The following SMOC2 variants were observed in gnomAD, a reference collection of about 807,000 sequenced individuals.
The protein encoded by SMOC2 is SPARC related modular calcium binding 2.
A neutral mutation model predicts 61.4 loss-of-function variants in SMOC2; 39 were observed. That is an observed-to-expected ratio of 0.64 (90% CI 0.49 to 0.83). The LOEUF (loss-of-function observed/expected upper bound fraction) is 0.83, where lower values mean the gene tolerates loss of function less well. Among genes scored for constraint, SMOC2 ranks in the 40% least tolerant of loss-of-function variants. The pLI is 0.00. For synonymous variants in SMOC2, 247 were observed against 239.9 expected, an observed-to-expected ratio of 1.03 and a Z score of -0.27; for missense variants, 556 against 592.9, an observed-to-expected ratio of 0.94 and a Z score of 0.65.
chr6:168,652,284 C>T lies in SMOC2; in HGVS notation c.1011-670C>T, dbSNP rs775271473. ...AAGGTTGAGAAATTGGCAATGGTGT[C>T]GGAGTTCACGGTGTTCTCATACCTG... On this transcript the variant is annotated intron_variant, in intron 10 of 12. Coordinates refer to ENST00000356284, the MANE Select transcript of SMOC2 (RefSeq NM_001166412.2). 3.3e-4 allele frequency among the ~76,000 whole-genome samples: 50 copies of T among 152,194 alleles called. No individual in the cohort carries two copies. In the Middle Eastern group the frequency reaches 0.01, roughly 31 times the overall value.
At chr6:168,517,478 G>A (rs1043567240) in intron 2 of SMOC2, among the ~76,000 whole-genome samples, 6 of 152,222 alleles carry the variant, frequency 3.9e-5, no homozygotes, top group Non-Finnish European at 8.8e-5. Context: ...ACTTCCCAGC[G>A]TGGACCTGAG....
chr6:168,598,273 A>G (rs1034193922), intron 7 of SMOC2, among the ~76,000 whole-genome samples: 3 of 152,244 alleles, frequency 2.0e-5, no homozygotes, highest in Admixed American at 6.5e-5. Flanking sequence ...TTTTCTTACA[A>G]GTCTCCCCCT....
intron 9 of SMOC2, among the ~76,000 whole-genome samples, chr6:168,631,716 G>T (rs535286950): frequency 1.4e-5 from 2 of 146,500 alleles, no homozygotes; most frequent in Non-Finnish European, 2.9e-5. Flanking sequence ...TTTGGTGCAC[G>T]TGTTTCTGGT....
At chr6:168,536,625 T>C (rs2115089269) in intron 4 of SMOC2, among the ~76,000 whole-genome samples, 1 of 152,098 alleles carries the variant, frequency 6.6e-6, no homozygotes, top group Non-Finnish European at 1.5e-5. Flanking sequence ...ATTCCTCCTG[T>C]GCAAATTGCT....
intron 1 of SMOC2, among the ~76,000 whole-genome samples, chr6:168,445,103 G>A (rs1445279675): frequency 6.6e-6 from 1 of 152,226 alleles, no homozygotes; most frequent in Non-Finnish European, 1.5e-5. Flanking sequence ...GGAAACTGAA[G>A]TTTTGAGAGA....
rs62423445 is a variant in SMOC2, at chr6:168,667,230, G to T, written c.*792G>T. 0.15 allele frequency: 22,065 copies of T among 152,090 alleles called. 1,682 individuals carry two copies. The highest frequency in any genetic ancestry group is 0.17 in the Non-Finnish European group (11,856 of 68,000). The allele number at this position is 152,090 out of a possible 1,614,324, so 9.4% of individuals were successfully genotyped here. A position where few individuals can be genotyped will look rare whatever the true frequency, so the allele number is the denominator to read the frequency against. The stretch of plus-strand genomic sequence containing the variant: ...ATCCTTCCAAAATGTAAATCCAGTC[G>T]CGGTGTGACCGAGCTGGCTAACAGG... On this transcript the variant is annotated 3_prime_UTR_variant, in exon 13 of 13. Coordinates refer to ENST00000356284, the MANE Select transcript of SMOC2 (RefSeq NM_001166412.2).
At chr6:168,554,969 C>T (rs1784213547) in intron 7 of SMOC2, among the ~76,000 whole-genome samples, 2 of 152,234 alleles carry the variant, frequency 1.3e-5, no homozygotes, top group Admixed American at 1.3e-4. Context: ...TTTTGAAAGG[C>T]CTTTTACTGT....
At chr6:168,540,895 C>A (rs1038550163) in intron 4 of SMOC2, among the ~76,000 whole-genome samples, 3 of 152,190 alleles carry the variant, frequency 2.0e-5, no homozygotes, top group Admixed American at 2.0e-4. Flanking sequence ...CCTCACCCCT[C>A]TCACGTCTGT....
chr6:168,479,195 A>G lies in SMOC2; in HGVS notation c.85-30720A>G, dbSNP rs144717340. Among the ~76,000 whole-genome samples, 381 of 152,204 alleles carry G rather than the reference A, an allele frequency of 2.5e-3. 4 individuals are homozygous for G. Among genetic ancestry groups the G allele is most frequent in the African/African-American group, 9.0e-3 (374 of 41,514 alleles). On this transcript the variant is annotated intron_variant, in intron 1 of 12. Coordinates refer to ENST00000356284, the MANE Select transcript of SMOC2 (RefSeq NM_001166412.2). ...AGGAGTCAGTAACGTTGAATGATTT[A>G]TGGTATCAGGTCTAGAACAGCCCTG...
chr6:168,587,313 G>A (rs1483588490), intron 7 of SMOC2, among the ~76,000 whole-genome samples: 1 of 152,196 alleles, frequency 6.6e-6, no homozygotes, highest in Non-Finnish European at 1.5e-5. Context: ...CAAAGTATCT[G>A]TGACAAGTCT....
At chr6:168,595,878 G>T (rs1240771622) in intron 7 of SMOC2, among the ~76,000 whole-genome samples, 2 of 152,184 alleles carry the variant, frequency 1.3e-5, no homozygotes, top group African/African-American at 4.8e-5. Context: ...AAGAATTTTT[G>T]AGAACAATTT....
chr6:168,485,205 A>T lies in SMOC2; in HGVS notation c.85-24710A>T, dbSNP rs1782303054. Reference sequence around the variant, plus strand: ...CAGAAAATAGCAAGTATTGACAAGGATATGGAAAAACCCTCATATAGTTTG... The same window carrying T: ...CAGAAAATAGCAAGTATTGACAAGGTTATGGAAAAACCCTCATATAGTTTG... On this transcript the variant is annotated intron_variant, in intron 1 of 12. Coordinates refer to ENST00000356284, the MANE Select transcript of SMOC2 (RefSeq NM_001166412.2). 2.0e-5 allele frequency among the ~76,000 whole-genome samples: 3 copies of T among 152,212 alleles called. No homozygotes were observed. The South Asian group carries it at 6.2e-4, about 32-fold the overall frequency.
intron 4 of SMOC2, among the ~76,000 whole-genome samples, chr6:168,540,977 A>G (rs1205539234): frequency 1.3e-5 from 2 of 152,138 alleles, no homozygotes; most frequent in African/African-American, 4.8e-5. Context: ...CACTGCCTCC[A>G]TCAGCATAAC....
chr6:168,648,311 C>T (rs1024742993), intron 9 of SMOC2, among the ~76,000 whole-genome samples: 5 of 152,240 alleles, frequency 3.3e-5, no homozygotes, highest in South Asian at 2.1e-4. Context: ...TCACCTGCCC[C>T]GGCGCCTGTC....
intron 9 of SMOC2, among the ~76,000 whole-genome samples, chr6:168,627,406 C>T (rs373044015): frequency 5.9e-5 from 9 of 152,312 alleles, no homozygotes; most frequent in South Asian, 4.1e-4. Flanking sequence ...TGATTGCTTG[C>T]TCCATGCTGA....
At chr6:168,635,778 T>G (rs1786699908) in intron 9 of SMOC2, among the ~76,000 whole-genome samples, 1 of 150,396 alleles carries the variant, frequency 6.6e-6, no homozygotes, top group African/African-American at 2.4e-5. Flanking sequence ...GGCTGAGGCA[T>G]GAGAACTGCT....
intron 1 of SMOC2, among the ~76,000 whole-genome samples, chr6:168,487,684 G>A (rs1583050980): frequency 6.6e-6 from 1 of 151,994 alleles, no homozygotes; most frequent in Admixed American, 6.6e-5. Flanking sequence ...TGTGTTTTTA[G>A]TAGAGATGGG....
chr6:168,624,641 A>G (rs1396879174), intron 9 of SMOC2, among the ~76,000 whole-genome samples: 8 of 146,570 alleles, frequency 5.5e-5, no homozygotes, highest in Non-Finnish European at 7.6e-5. Context: ...CAACAGTACA[A>G]ATTCACACAC....
chr6:168,649,195 C>T (rs978001041), intron 9 of SMOC2, among the ~76,000 whole-genome samples: 3 of 152,232 alleles, frequency 2.0e-5, no homozygotes, highest in Non-Finnish European at 4.4e-5. Context: ...CTCTCCGCGT[C>T]CTCCACTTAC....
Sources: gnomAD v4.1 joint callset for allele counts (sites outside exome capture counted in the v4.1 genomes callset) on GRCh38, gnomAD v4.1.1 for gene constraint, MANE v1.5 for transcripts, NCBI Gene and HGNC (gene_info 2026-07-23, HGNC 2026-07-21) for gene names.